ST8SIA6: variants seen among roughly 807,000 people sequenced by gnomAD.
ST8SIA6 encodes the protein ST8 alpha-N-acetyl-neuraminide alpha-2,8-sialyltransferase 6, also known as alpha-2,8-sialyltransferase 8F.
Under a neutral mutation model 33.6 loss-of-function variants are expected in ST8SIA6, and 39 were observed. The observed-to-expected ratio is 1.16, with a 90% CI of 0.90 to 1.52. The LOEUF is 1.52. Ranked by LOEUF, ST8SIA6 falls within the 40% of genes most tolerant of loss-of-function variation. The probability of loss-of-function intolerance (pLI) is 0.00; values close to 1 mark genes in which losing one functional copy is unlikely to be tolerated. For synonymous variants in ST8SIA6, 172 were observed against 167.2 expected (o/e 1.03, Z -0.22); for missense variants, 441 against 443.8 (o/e 0.99, Z 0.06).
At chr10:17,449,128 T>G (rs1852825801) in intron 2 of ST8SIA6, among the ~76,000 whole-genome samples, 1 of 151,424 alleles carries the variant, frequency 6.6e-6, no homozygotes, top group South Asian at 2.1e-4. Flanking sequence ...CAAAGCTGCA[T>G]TCAATGGAAA....
At chr10:17,447,799 A>G (rs1852774064) in intron 2 of ST8SIA6, among the ~76,000 whole-genome samples, 1 of 152,092 alleles carries the variant, frequency 6.6e-6, no homozygotes, top group Admixed American at 6.5e-5. Context: ...AGATTAATTT[A>G]ACTAATATTA....
intron 2 of ST8SIA6, among the ~76,000 whole-genome samples, chr10:17,438,946 T>A (rs965895509): frequency 6.6e-6 from 1 of 152,172 alleles, no homozygotes; most frequent in Non-Finnish European, 1.5e-5. Flanking sequence ...TTTTCAGAGT[T>A]AACAATTCTT....
intron 2 of ST8SIA6, among the ~76,000 whole-genome samples, chr10:17,442,460 T>G (rs2131738683): frequency 6.6e-6 from 1 of 152,360 alleles, no homozygotes; most frequent in South Asian, 2.1e-4. Flanking sequence ...TAACACTAAT[T>G]TCTGCCTTGG....
chr10:17,386,624 G>A (rs78868171), intron 3 of ST8SIA6, among the ~76,000 whole-genome samples: 5,802 of 152,274 alleles, frequency 0.038, 135 homozygotes, highest in African/African-American at 0.062. Context: ...CTCTTGTATT[G>A]GTTCGAACCC....
At chr10:17,368,407 C>CAAA (rs200826980) in intron 3 of ST8SIA6, among the ~76,000 whole-genome samples, 1,216 of 71,922 alleles carry the variant, frequency 0.017, 108 homozygotes, top group African/African-American at 0.044. Flanking sequence ...AGCTCTGTCT[C>CAAA]AAAAAAAAAA....
At chr10:17,339,951 G>A (rs964341283) in intron 4 of ST8SIA6, among the ~76,000 whole-genome samples, 1 of 152,164 alleles carries the variant, frequency 6.6e-6, no homozygotes, top group African/African-American at 2.4e-5. Context: ...CCTTTATAGT[G>A]TTTGTGATCC....
chr10:17,404,863 A>C (rs1206723577), intron 2 of ST8SIA6, among the ~76,000 whole-genome samples: 1 of 152,188 alleles, frequency 6.6e-6, no homozygotes, highest in Non-Finnish European at 1.5e-5. Context: ...AGTGTCATGA[A>C]TACTTTCTTC....
intron 2 of ST8SIA6, among the ~76,000 whole-genome samples, chr10:17,437,267 C>T (rs1240062863): frequency 6.6e-6 from 1 of 152,172 alleles, no homozygotes; most frequent in South Asian, 2.1e-4. Flanking sequence ...TCAAGCAATT[C>T]TTCTGCCTCA....
chr10:17,349,708 T>C lies in ST8SIA6; in HGVS notation c.377+9806A>G, dbSNP rs572520734. ...TTAAAAGAAAATGAAAGATTAGGGA[T>C]AACAAACAAGAAACATCAATAATAA... On this transcript the variant is annotated intron_variant, in intron 4 of 7. Transcript: ENST00000377602. 7.2e-5 allele frequency among the ~76,000 whole-genome samples: 11 copies of C among 152,200 alleles called. No homozygotes were observed. The East Asian group carries it at 1.9e-3, about 27-fold the overall frequency.
At chr10:17,398,508 G>A (rs1049531383) in intron 2 of ST8SIA6, among the ~76,000 whole-genome samples, 2 of 151,996 alleles carry the variant, frequency 1.3e-5, no homozygotes, top group Admixed American at 6.6e-5. Context: ...TCATGCAATC[G>A]GTCCCCTGGC....
intron 1 of ST8SIA6, 79 bp from the exon 2 acceptor site, chr10:17,453,736 T>A: frequency 8.9e-7 from 1 of 1,126,778 alleles, no homozygotes; most frequent in Non-Finnish European, 1.1e-6. Context: ...TCGCGCTCCT[T>A]GCCTGGCAGG....
Position 17,359,513 on chromosome 10 carries a change from C to G in ST8SIA6, c.377+1G>C. On this transcript the variant is annotated splice_donor_variant, in intron 4 of 7. Transcript: ENST00000377602. LOFTEE classifies it high-confidence loss of function. ...CTCATATTATTTATGAAAAAAATTA[C>G]CTAAAATTTGCATATTCTTCTGCTT... 6.3e-7 allele frequency: 1 copy of G among 1,590,476 alleles called. No homozygotes were observed. Among genetic ancestry groups the G allele is most frequent in the Non-Finnish European group, 8.6e-7 (1 of 1,166,358 alleles).
chr10:17,384,098 C>A (rs1035029153), intron 3 of ST8SIA6, among the ~76,000 whole-genome samples: 2 of 152,182 alleles, frequency 1.3e-5, no homozygotes, highest in African/African-American at 4.8e-5. Context: ...GATGTGCTTT[C>A]CTTTAAAGAA....
intron 2 of ST8SIA6, 128 bp from the exon 3 acceptor site, chr10:17,390,748 A>C (rs1850565478): frequency 1.6e-6 from 1 of 628,710 alleles, no homozygotes; most frequent in Admixed American, 2.9e-5. Context: ...CCATTATTGG[A>C]TTTCTCCATG....
At chr10:17,348,264 C>G (rs1483163090) in intron 4 of ST8SIA6, among the ~76,000 whole-genome samples, 7 of 146,268 alleles carry the variant, frequency 4.8e-5, no homozygotes, top group Non-Finnish European at 7.4e-5. Flanking sequence ...ATATTGAGAG[C>G]CTGAATTAAC....
At chr10:17,337,439 G>T (rs1848541626) in intron 4 of ST8SIA6, among the ~76,000 whole-genome samples, 1 of 152,092 alleles carries the variant, frequency 6.6e-6, no homozygotes. Context: ...AACTTTTGAA[G>T]ATCTCACTAT....
chr10:17,353,533 A>C (rs935627900), intron 4 of ST8SIA6, among the ~76,000 whole-genome samples: 5 of 152,214 alleles, frequency 3.3e-5, no homozygotes, highest in Middle Eastern at 3.2e-3. Flanking sequence ...ATATCAATTA[A>C]TCTACAAATA....
intron 4 of ST8SIA6, among the ~76,000 whole-genome samples, chr10:17,356,565 TTTA>T (rs1465031010): frequency 6.6e-6 from 1 of 152,032 alleles, no homozygotes; most frequent in Non-Finnish European, 1.5e-5. Context: ...TTTTTATATT[TTTA>T]GTAGAGATGA....
At chr10:17,324,612 A>C (rs1848060939) in intron 6 of ST8SIA6, among the ~76,000 whole-genome samples, 1 of 151,468 alleles carries the variant, frequency 6.6e-6, no homozygotes, top group South Asian at 2.1e-4. Context: ...CTTAAAAGAA[A>C]AATATCTCAG....
Sources: allele counts gnomAD v4.1 joint callset (sites outside exome capture counted in the v4.1 genomes callset), GRCh38; gene constraint gnomAD v4.1.1; transcripts MANE v1.5; gene names NCBI Gene and HGNC (gene_info 2026-07-23, HGNC 2026-07-21).